Variants in KLHL13 observed in about 807,000 individuals in gnomAD.
KLHL13 encodes kelch like family member 13, also known as kelch-like protein 13.
Under a neutral mutation model 37.1 loss-of-function variants are expected in KLHL13, and 10 were observed. That is an observed-to-expected ratio of 0.27 (90% CI 0.17 to 0.46). The LOEUF is 0.46. Ranked by LOEUF, KLHL13 falls within the 20% of genes least tolerant of loss-of-function variation. KLHL13 has a pLI of 1.00. For missense variants in KLHL13, 360 were observed against 509.3 expected, an observed-to-expected ratio of 0.71 and a Z score of 2.82; for synonymous variants, 163 against 181.2, an observed-to-expected ratio of 0.90 and a Z score of 0.81.
At chrX:117,938,325 CT>C (rs1256465391) in intron 2 of KLHL13, among the ~76,000 whole-genome samples, 1 of 110,689 alleles carries the variant, frequency 9.0e-6, no homozygotes, top group African/African-American at 3.3e-5. Context: ...AATTTATAAC[CT>C]CCATAAAATA....
At chrX:118,049,737 T>C in intron 1 of KLHL13, among the ~76,000 whole-genome samples, 1 of 111,807 alleles carries the variant, frequency 8.9e-6, no homozygotes, top group Non-Finnish European at 1.9e-5. Context: ...GCCTGCCTGG[T>C]TTCCCCTTGA....
intron 1 of KLHL13, among the ~76,000 whole-genome samples, chrX:118,027,822 A>G (rs915119130): frequency 8.9e-6 from 1 of 111,744 alleles, no homozygotes; most frequent in Non-Finnish European, 1.9e-5. Flanking sequence ...AGTAAGCATC[A>G]GAGCCAGGAT....
intron 1 of KLHL13, among the ~76,000 whole-genome samples, chrX:118,017,654 T>C (rs761682091): frequency 3.6e-5 from 4 of 111,486 alleles, no homozygotes; most frequent in African/African-American, 6.5e-5. Context: ...TAGCACCCCA[T>C]ATGTCCTTTC....
At chrX:118,070,301 T>C (rs775579855) in intron 1 of KLHL13, among the ~76,000 whole-genome samples, 1 of 112,812 alleles carries the variant, frequency 8.9e-6, no homozygotes, top group Non-Finnish European at 1.9e-5. Context: ...CGTTTTGCTA[T>C]GCAGTGTTTG....
At chrX:118,027,427 G>A (rs921072251) in intron 1 of KLHL13, among the ~76,000 whole-genome samples, 9 of 110,913 alleles carry the variant, frequency 8.1e-5, no homozygotes, top group Non-Finnish European at 1.5e-4. Flanking sequence ...TAAATTCCCA[G>A]GACGCTCAGT....
chrX:117,956,158 T>C (rs1369198160), intron 1 of KLHL13, among the ~76,000 whole-genome samples: 1 of 111,868 alleles, frequency 8.9e-6, no homozygotes, highest in East Asian at 2.8e-4. Flanking sequence ...AAAACTACCA[T>C]AAGTGTTTAT....
intron 1 of KLHL13, among the ~76,000 whole-genome samples, chrX:118,065,391 T>C (rs1398000431): frequency 3.6e-5 from 4 of 111,593 alleles, no homozygotes; most frequent in African/African-American, 1.3e-4. Context: ...GCATACCATC[T>C]ACCCACAAGG....
chrX:117,986,117 G>C (rs2053723159), intron 1 of KLHL13, among the ~76,000 whole-genome samples: 1 of 111,581 alleles, frequency 9.0e-6, no homozygotes, highest in South Asian at 3.8e-4. Flanking sequence ...CATAAGCTGA[G>C]TGAGGGAAGC....
At chrX:117,977,749 T>C (rs1206550296), upstream of KLHL13, among the ~76,000 whole-genome samples, 1 of 112,482 alleles carries the variant, frequency 8.9e-6, no homozygotes, top group African/African-American at 3.2e-5. Flanking sequence ...TAAAAGTACT[T>C]GGATAGCAAC....
chrX:118,028,523 A>G, intron 1 of KLHL13, 26 bp from the exon 2 acceptor site: 1 of 701,149 alleles, frequency 1.4e-6, no homozygotes, highest in Middle Eastern at 2.9e-4. Flanking sequence ...AGAAGCCAAT[A>G]TTTACTATGA....
chrX:118,097,709 T>A (rs924121565), intron 1 of KLHL13, among the ~76,000 whole-genome samples: 2 of 111,750 alleles, frequency 1.8e-5, no homozygotes, highest in Non-Finnish European at 3.8e-5. Context: ...CAAAACAGCA[T>A]GGTACTGGTA....
chrX:117,916,764 A>G (rs1406010796), intron 4 of KLHL13, among the ~76,000 whole-genome samples: 1 of 112,395 alleles, frequency 8.9e-6, no homozygotes, highest in Non-Finnish European at 1.9e-5. Flanking sequence ...TTTTCTGTCT[A>G]AAAGTTCAAA....
At chrX:118,098,953 G>T (rs1602723486) in intron 1 of KLHL13, among the ~76,000 whole-genome samples, 2 of 70,921 alleles carry the variant, frequency 2.8e-5, no homozygotes, top group Non-Finnish European at 5.4e-5. Flanking sequence ...GTGGGGGAAG[G>T]GGGGAGGGGG....
intron 1 of KLHL13, among the ~76,000 whole-genome samples, chrX:118,050,771 C>T (rs1488382502): frequency 8.9e-6 from 1 of 112,147 alleles, no homozygotes; most frequent in East Asian, 2.8e-4. Context: ...ACACACACAT[C>T]TTGCAATTTA....
intron 2 of KLHL13, among the ~76,000 whole-genome samples, chrX:117,939,734 G>A (rs767741675): frequency 8.9e-6 from 1 of 112,139 alleles, no homozygotes; most frequent in Non-Finnish European, 1.9e-5. Context: ...ACACATAAAT[G>A]TGTTCTTTTG....
At chrX:117,963,565 T>C (rs912295348) in intron 1 of KLHL13, among the ~76,000 whole-genome samples, 2 of 106,937 alleles carry the variant, frequency 1.9e-5, no homozygotes, top group African/African-American at 6.8e-5. Flanking sequence ...TGATTTATAG[T>C]CCTTTGGGTA....
chrX:118,069,440 A>C (rs1472428097), intron 1 of KLHL13, among the ~76,000 whole-genome samples: 4 of 83,428 alleles, frequency 4.8e-5, no homozygotes, highest in Admixed American at 1.3e-4. Context: ...AAAAAAAAAA[A>C]CAATTTTAAA....
intron 4 of KLHL13, among the ~76,000 whole-genome samples, chrX:117,916,153 C>T (rs113493170): frequency 0.17 from 17,356 of 101,255 alleles, 1,321 homozygotes; most frequent in South Asian, 0.38. Context: ...AGCGACACTC[C>T]GCCTCAAAAA....
chrX:118,052,842 C>A (rs2054632583), intron 1 of KLHL13, among the ~76,000 whole-genome samples: 1 of 108,215 alleles, frequency 9.2e-6, no homozygotes. Flanking sequence ...AAAAAAAAAA[C>A]TAGAAGACAG....
Sources: gnomAD v4.1 joint callset for allele counts (sites outside exome capture counted in the v4.1 genomes callset) on GRCh38, gnomAD v4.1.1 for gene constraint, MANE v1.5 for transcripts, NCBI Gene and HGNC (gene_info 2026-07-23, HGNC 2026-07-21) for gene names.